LRP1B: variants seen among roughly 807,000 people sequenced by gnomAD.
LRP1B encodes low-density lipoprotein receptor-related protein 1B.
LRP1B carries 217 observed loss-of-function variants against 556.6 expected under a neutral mutation model. The observed-to-expected ratio is 0.39, with a 90% confidence interval of 0.35 to 0.44. The LOEUF is 0.44. LRP1B is among the 20% of genes least tolerant of loss of function. LRP1B has a pLI of 1.00. For synonymous variants in LRP1B, 2,047 were observed against 1,865.8 expected (o/e 1.10, Z -2.50); for missense variants, 5,053 against 5,620.8 (o/e 0.90, Z 3.23).
At chr2:140,606,352 A>G (rs1299538637) in intron 41 of LRP1B, among the ~76,000 whole-genome samples, 1 of 152,032 alleles carries the variant, frequency 6.6e-6, no homozygotes, top group Non-Finnish European at 1.5e-5. Context: ...ACTACAGCAC[A>G]TCATTGAAAG....
intron 2 of LRP1B, among the ~76,000 whole-genome samples, chr2:141,675,085 T>C (rs907849158): frequency 6.6e-6 from 1 of 151,942 alleles, no homozygotes; most frequent in Non-Finnish European, 1.5e-5. Context: ...TATTTTGCCC[T>C]ATTATTTTCT....
At chr2:140,488,632 T>A (rs1476056784) in intron 57 of LRP1B, among the ~76,000 whole-genome samples, 1 of 152,048 alleles carries the variant, frequency 6.6e-6, no homozygotes, top group Non-Finnish European at 1.5e-5. Flanking sequence ...TTAAAGATTA[T>A]ACATTTACTA....
intron 1 of LRP1B, among the ~76,000 whole-genome samples, chr2:141,909,308 A>G (rs1364421318): frequency 6.6e-6 from 1 of 152,098 alleles, no homozygotes; most frequent in East Asian, 1.9e-4. Context: ...AAGACAATCA[A>G]TTATGGGAAA....
chr2:140,691,153 A>G (rs2105399064), intron 41 of LRP1B, among the ~76,000 whole-genome samples: 1 of 152,268 alleles, frequency 6.6e-6, no homozygotes, highest in Non-Finnish European at 1.5e-5. Context: ...AGAGAGAAAC[A>G]TATTTCCAGT....
At chr2:141,212,412 G>A (rs1486075997) in intron 6 of LRP1B, among the ~76,000 whole-genome samples, 1 of 150,088 alleles carries the variant, frequency 6.7e-6, no homozygotes, top group African/African-American at 2.4e-5. Context: ...CCAAGTAGCT[G>A]GGACTACAGG....
At chr2:141,767,765 A>G (rs1694773258) in intron 2 of LRP1B, among the ~76,000 whole-genome samples, 1 of 152,138 alleles carries the variant, frequency 6.6e-6, no homozygotes, top group Admixed American at 6.5e-5. Context: ...CCCTATTTCA[A>G]GTTCAATCCA....
intron 1 of LRP1B, among the ~76,000 whole-genome samples, chr2:142,008,707 C>G (rs1176431218): frequency 6.6e-6 from 1 of 151,630 alleles, no homozygotes; most frequent in African/African-American, 2.4e-5. Context: ...TTTTCCGAGT[C>G]CTCTCAAAGG....
intron 41 of LRP1B, among the ~76,000 whole-genome samples, chr2:140,672,481 C>CCA (rs1317605314): frequency 3.8e-5 from 1 of 26,440 alleles, no homozygotes; most frequent in Non-Finnish European, 6.7e-5. Context: ...GAGACTCCAT[C>CCA]TAAAAAAAAA....
chr2:141,742,908 A>C (rs1249189711), intron 2 of LRP1B, among the ~76,000 whole-genome samples: 4 of 151,934 alleles, frequency 2.6e-5, no homozygotes, highest in African/African-American at 9.7e-5. Flanking sequence ...TTTTCAAATT[A>C]TTCATTGTTG....
At chr2:141,903,610 T>C (rs970910551) in intron 1 of LRP1B, among the ~76,000 whole-genome samples, 2 of 152,088 alleles carry the variant, frequency 1.3e-5, no homozygotes, top group African/African-American at 4.8e-5. Context: ...TGAGAATAAT[T>C]AATCTATTTT....
intron 2 of LRP1B, among the ~76,000 whole-genome samples, chr2:141,608,617 T>C (rs748990023): frequency 2.6e-5 from 4 of 152,250 alleles, no homozygotes; most frequent in Non-Finnish European, 4.4e-5. Flanking sequence ...TACTTTTTTT[T>C]AATTGTTACT....
chr2:140,683,385 G>C (rs1685932203), intron 41 of LRP1B: 2 of 511,172 alleles, frequency 3.9e-6, no homozygotes, highest in Non-Finnish European at 7.6e-6. Flanking sequence ...AAACTATCCT[G>C]TTTCAAAGAC....
In LRP1B at chr2:140,487,484, T is replaced by C. The variant is rs189080073; in HGVS notation, c.9243+133A>G. ...TTCATATTTAAAGTTTTAATCACACTATACAAATGTGAAATTGAAACCACC... is the reference window on the plus strand; with the variant it reads ...TTCATATTTAAAGTTTTAATCACACCATACAAATGTGAAATTGAAACCACC... On this transcript the variant is annotated intron_variant, in intron 58 of 90. Transcript: ENST00000389484. 1.2e-4 allele frequency: 88 copies of C among 724,492 alleles called. No homozygotes were observed. In the African/African-American group the frequency reaches 1.6e-3, roughly 13 times the overall value. 44.9% of individuals were successfully genotyped at this position (724,492 alleles called of 1,614,324 possible). A position where few individuals can be genotyped will look rare whatever the true frequency, so the allele number is the denominator to read the frequency against.
chr2:140,323,811 AG>A, intron 81 of LRP1B, 81 bp downstream of exon 81: 1 of 700,710 alleles, frequency 1.4e-6, no homozygotes, highest in African/African-American at 1.8e-5. Context: ...TACATAGTTA[AG>A]ATATTTAAAA....
chr2:141,382,946 A>G (rs1689692584), intron 3 of LRP1B, among the ~76,000 whole-genome samples: 2 of 152,326 alleles, frequency 1.3e-5, no homozygotes, highest in Non-Finnish European at 1.5e-5. Flanking sequence ...AACTTAAAGA[A>G]TGAGAAAAAA....
chr2:140,956,381 A>G (rs1477963693), intron 18 of LRP1B, among the ~76,000 whole-genome samples: 1 of 151,824 alleles, frequency 6.6e-6, no homozygotes, highest in Non-Finnish European at 1.5e-5. Context: ...TTTATAGCTT[A>G]GAAAGATTTG....
chr2:141,146,577 T>C (rs1158636749), intron 7 of LRP1B, among the ~76,000 whole-genome samples: 2 of 152,198 alleles, frequency 1.3e-5, no homozygotes, highest in Non-Finnish European at 2.9e-5. Flanking sequence ...ATTAGGCACA[T>C]GTAGAATATC....
At chr2:141,396,938 C>T (rs1573898751) in intron 3 of LRP1B, among the ~76,000 whole-genome samples, 1 of 151,428 alleles carries the variant, frequency 6.6e-6, no homozygotes, top group Non-Finnish European at 1.5e-5. Flanking sequence ...CTTGGAGAAA[C>T]CCCATCGCTA....
chr2:140,740,217 T>A (rs1053619962), intron 35 of LRP1B, among the ~76,000 whole-genome samples: 2 of 152,144 alleles, frequency 1.3e-5, no homozygotes, highest in African/African-American at 4.8e-5. Flanking sequence ...ATCATACTGA[T>A]GTTTATAGCA....
Sources: allele counts gnomAD v4.1 joint callset (sites outside exome capture counted in the v4.1 genomes callset), GRCh38; gene constraint gnomAD v4.1.1; transcripts MANE v1.5; gene names NCBI Gene and HGNC (gene_info 2026-07-23, HGNC 2026-07-21).